Variants in EYS observed in about 807,000 individuals in gnomAD.
EYS encodes the protein EGF-like photoreceptor maintenance factor.
A neutral mutation model predicts 282.1 loss-of-function variants in EYS; 250 were observed. The ratio of observed to expected loss-of-function variants is 0.89; its 90% CI spans 0.80 to 0.98. The LOEUF (loss-of-function observed/expected upper bound fraction) is 0.98. EYS is among the 50% of genes least tolerant of loss of function. The pLI is 0.00. For missense variants in EYS, 4,016 were observed against 3,709.0 expected (o/e 1.08, Z -2.15); for synonymous variants, 1,355 against 1,282.9 (o/e 1.06, Z -1.20).
intron 15 of EYS, among the ~76,000 whole-genome samples, chr6:64,932,509 T>C (rs1768760314): frequency 6.6e-6 from 1 of 151,916 alleles, no homozygotes; most frequent in African/African-American, 2.4e-5. Flanking sequence ...ATTTAATAAC[T>C]CGGGAATTAG....
chr6:65,009,434 C>T (rs1583392977), intron 13 of EYS, among the ~76,000 whole-genome samples: 1 of 152,230 alleles, frequency 6.6e-6, no homozygotes, highest in South Asian at 2.1e-4. Flanking sequence ...TCTGCTTTCC[C>T]AAATACCGGA....
At chr6:64,147,285 A>G (rs1774552141) in intron 31 of EYS, among the ~76,000 whole-genome samples, 1 of 152,184 alleles carries the variant, frequency 6.6e-6, no homozygotes. Flanking sequence ...ACATGGACCT[A>G]TTGAACACCC....
chr6:65,506,586 C>T (rs145835263), intron 2 of EYS, among the ~76,000 whole-genome samples: 1 of 146,892 alleles, frequency 6.8e-6, no homozygotes, highest in Non-Finnish European at 1.5e-5. Flanking sequence ...TCAAGCAATC[C>T]TCTACCTCAG....
At chr6:64,504,383 A>G (rs1257184759) in intron 26 of EYS, among the ~76,000 whole-genome samples, 1 of 152,224 alleles carries the variant, frequency 6.6e-6, no homozygotes, top group Middle Eastern at 3.2e-3. Context: ...CCCAAATATA[A>G]GAACCCATCT....
intron 13 of EYS, among the ~76,000 whole-genome samples, chr6:65,056,313 G>A (rs1180813838): frequency 6.6e-6 from 1 of 151,982 alleles, no homozygotes; most frequent in Non-Finnish European, 1.5e-5. Flanking sequence ...TCTCTAAGGA[G>A]ATTTGATTTT....
intron 26 of EYS, among the ~76,000 whole-genome samples, chr6:64,538,594 A>T (rs1038398230): frequency 6.6e-6 from 1 of 152,208 alleles, no homozygotes; most frequent in African/African-American, 2.4e-5. Flanking sequence ...ATCCTGCTAT[A>T]GTACAGAATA....
chr6:65,673,678 C>G (rs1768479368), intron 1 of EYS, among the ~76,000 whole-genome samples: 1 of 151,978 alleles, frequency 6.6e-6, no homozygotes, highest in African/African-American at 2.4e-5. Context: ...GAAAGTTCCA[C>G]TGAATACCAA....
chr6:65,501,907 C>A (rs1374970183), intron 2 of EYS, among the ~76,000 whole-genome samples: 1 of 151,490 alleles, frequency 6.6e-6, no homozygotes, highest in African/African-American at 2.4e-5. Context: ...TTACCAACAG[C>A]ATTATTTGCT....
intron 13 of EYS, among the ~76,000 whole-genome samples, chr6:65,006,680 C>G (rs1771675242): frequency 6.6e-6 from 1 of 152,134 alleles, no homozygotes; most frequent in Non-Finnish European, 1.5e-5. Flanking sequence ...CCGACCAGAG[C>G]TAGGAGGAAC....
chr6:65,512,492 CAAA>C (rs71002313), intron 2 of EYS, among the ~76,000 whole-genome samples: 6,133 of 117,750 alleles, frequency 0.052, 330 homozygotes, highest in African/African-American at 0.15. Context: ...GACTCTATCT[CAAA>C]AAAAAAAAAA....
At chr6:64,452,108 C>T (rs1481778449) in intron 26 of EYS, among the ~76,000 whole-genome samples, 1 of 152,144 alleles carries the variant, frequency 6.6e-6, no homozygotes, top group Admixed American at 6.5e-5. Flanking sequence ...ATCTAGAAAA[C>T]CCCTCGTCTC....
In EYS at chr6:64,592,172, G is replaced by T. The variant is rs538234329; in HGVS notation, c.3878-183C>A. On this transcript the variant is annotated intron_variant, in intron 25 of 42. Coordinates refer to ENST00000503581, the MANE Select transcript of EYS (RefSeq NM_001142800.2). ...GAGGAGTTTAATGATTTCACAAACT[G>T]CATAAATGCAAAGATTCCTATTATT... Among the ~76,000 whole-genome samples, 8 of 152,178 alleles carry T rather than the reference G, an allele frequency of 5.3e-5. No homozygotes were observed. The South Asian group carries it at 1.0e-3, about 20-fold the overall frequency.
At chr6:65,339,453 T>C (rs572886664) in intron 10 of EYS, among the ~76,000 whole-genome samples, 47 of 151,392 alleles carry the variant, frequency 3.1e-4, no homozygotes, top group Middle Eastern at 3.4e-3. Flanking sequence ...ACTTTTATTA[T>C]AGTATACTGT....
rs531364978 is a variant in EYS, at chr6:65,668,975, A to T, written c.-447-29083T>A. On this transcript the variant is annotated intron_variant, in intron 1 of 42. Coordinates refer to ENST00000503581, the MANE Select transcript of EYS (RefSeq NM_001142800.2). ...GATCTGCAATTTGTTGCCCATAGCT[A>T]TAGCACACAGCCTGTTGACTTAGTA... Among the ~76,000 whole-genome samples the T allele has an allele frequency of 9.2e-5, 14 of 152,086 alleles. No homozygotes were observed. The South Asian group carries it at 2.7e-3, about 29-fold the overall frequency.
chr6:65,696,999 T>A (rs1769479056), intron 1 of EYS, among the ~76,000 whole-genome samples: 1 of 151,996 alleles, frequency 6.6e-6, no homozygotes, highest in Non-Finnish European at 1.5e-5. Flanking sequence ...ACCAAAGGCA[T>A]GAAAAGATTC....
At chr6:63,748,013 C>T (rs980262257) in intron 41 of EYS, among the ~76,000 whole-genome samples, 1 of 152,096 alleles carries the variant, frequency 6.6e-6, no homozygotes, top group African/African-American at 2.4e-5. Context: ...GGTTATTTTG[C>T]CCGTTAGTTG....
At chr6:65,678,203 T>A (rs2149836838) in intron 1 of EYS, among the ~76,000 whole-genome samples, 1 of 152,028 alleles carries the variant, frequency 6.6e-6, no homozygotes, top group Non-Finnish European at 1.5e-5. Flanking sequence ...GAGTGAGAAC[T>A]CACTCATTAT....
At chr6:65,243,898 C>T (rs1767115503) in intron 12 of EYS, among the ~76,000 whole-genome samples, 1 of 152,128 alleles carries the variant, frequency 6.6e-6, no homozygotes, top group South Asian at 2.1e-4. Context: ...GACTAAGAAT[C>T]TGTTTCAAAG....
intron 12 of EYS, among the ~76,000 whole-genome samples, chr6:65,095,167 C>T (rs569588148): frequency 1.2e-4 from 18 of 151,134 alleles, no homozygotes; most frequent in South Asian, 6.3e-4. Context: ...AGGCCAATAA[C>T]GAAGAAAAAG....
Sources: allele counts gnomAD v4.1 joint callset (sites outside exome capture counted in the v4.1 genomes callset), GRCh38; gene constraint gnomAD v4.1.1; transcripts MANE v1.5; gene names NCBI Gene and HGNC (gene_info 2026-07-23, HGNC 2026-07-21).